The following TBC1D5 variants were observed in gnomAD, a reference collection of about 807,000 sequenced individuals.
TBC1D5 encodes the protein TBC1 domain family, member 5.
A neutral mutation model predicts 100.3 loss-of-function variants in TBC1D5; 75 were observed. The ratio of observed to expected loss-of-function variants is 0.75; its 90% CI spans 0.62 to 0.91. The LOEUF is 0.91. Ranked by LOEUF, TBC1D5 falls within the 40% of genes least tolerant of loss-of-function variation. The pLI, the probability that TBC1D5 is intolerant of heterozygous loss-of-function variation, is 0.00. For missense variants in TBC1D5, 910 were observed against 942.4 expected (o/e 0.97, Z 0.45); for synonymous variants, 323 against 325.6 (o/e 0.99, Z 0.09).
At chr3:17,270,310 T>C (rs1263052906) in intron 15 of TBC1D5, among the ~76,000 whole-genome samples, 5 of 152,184 alleles carry the variant, frequency 3.3e-5, no homozygotes, top group African/African-American at 1.2e-4. Flanking sequence ...AACTGTCTGT[T>C]CATGTCCTCT....
chr3:17,660,495 C>G (rs889871056), intron 1 of TBC1D5, among the ~76,000 whole-genome samples: 3 of 152,218 alleles, frequency 2.0e-5, no homozygotes, highest in Non-Finnish European at 4.4e-5. Context: ...GTGATTGTTA[C>G]TGGTCCAGAG....
chr3:17,419,385 T>G (rs1194101193), intron 4 of TBC1D5, among the ~76,000 whole-genome samples: 2 of 152,222 alleles, frequency 1.3e-5, no homozygotes, highest in Non-Finnish European at 2.9e-5. Flanking sequence ...TCTTTGGATA[T>G]GCCTATGGTT....
chr3:17,674,862 G>C (rs758477672), intron 1 of TBC1D5, among the ~76,000 whole-genome samples: 10 of 151,934 alleles, frequency 6.6e-5, no homozygotes, highest in Admixed American at 5.2e-4. Context: ...GAGTTCATTT[G>C]AGTGAAAAAA....
intron 16 of TBC1D5, among the ~76,000 whole-genome samples, chr3:17,248,397 A>G (rs568397190): frequency 6.6e-6 from 1 of 152,302 alleles, no homozygotes; most frequent in South Asian, 2.1e-4. Flanking sequence ...ACATCCTCCC[A>G]TGAATCATGA....
At chr3:17,176,132 C>T (rs1162414189) in intron 19 of TBC1D5, among the ~76,000 whole-genome samples, 2 of 152,168 alleles carry the variant, frequency 1.3e-5, no homozygotes, top group Non-Finnish European at 2.9e-5. Context: ...TCTGCTATTA[C>T]CTAGCTGTGT....
chr3:17,398,243 G>T (rs1319249182), intron 8 of TBC1D5, among the ~76,000 whole-genome samples: 3 of 152,158 alleles, frequency 2.0e-5, no homozygotes, highest in Admixed American at 2.0e-4. Flanking sequence ...TAATAAAAAT[G>T]GGAATAGTAA....
At chr3:17,596,380 G>A (rs538702060) in intron 2 of TBC1D5, among the ~76,000 whole-genome samples, 4 of 145,288 alleles carry the variant, frequency 2.8e-5, no homozygotes, top group Middle Eastern at 3.7e-3. Context: ...GTGCAGTCGC[G>A]CAATTTGGGC....
At chr3:17,697,606 G>C (rs1263296750) in intron 1 of TBC1D5, among the ~76,000 whole-genome samples, 1 of 152,108 alleles carries the variant, frequency 6.6e-6, no homozygotes, top group Non-Finnish European at 1.5e-5. Flanking sequence ...AAATAAAAGA[G>C]GATACAAACA....
chr3:17,480,804 G>A (rs2095492722), intron 3 of TBC1D5, among the ~76,000 whole-genome samples: 1 of 152,316 alleles, frequency 6.6e-6, no homozygotes, highest in East Asian at 1.9e-4. Context: ...TACCCACTCA[G>A]GTCTCCCGAG....
intron 13 of TBC1D5, among the ~76,000 whole-genome samples, chr3:17,337,097 T>C (rs922704318): frequency 1.1e-4 from 16 of 150,472 alleles, no homozygotes; most frequent in Admixed American, 3.3e-4. Context: ...TTCTCAAACA[T>C]AGCTTGCACC....
At chr3:17,212,992 A>G (rs1056501582) in intron 18 of TBC1D5, among the ~76,000 whole-genome samples, 2 of 152,178 alleles carry the variant, frequency 1.3e-5, no homozygotes, top group Admixed American at 6.5e-5. Flanking sequence ...CAATAATCCT[A>G]GACCTTCACA....
intron 2 of TBC1D5, among the ~76,000 whole-genome samples, chr3:17,532,139 GA>G (rs1211805647): frequency 6.6e-6 from 1 of 151,882 alleles, no homozygotes; most frequent in East Asian, 1.9e-4. Flanking sequence ...AAATTTACAA[GA>G]AAAAAACAAA....
At chr3:17,188,355 T>G (rs1293224138) in intron 18 of TBC1D5, among the ~76,000 whole-genome samples, 1 of 152,174 alleles carries the variant, frequency 6.6e-6, no homozygotes, top group Non-Finnish European at 1.5e-5. Context: ...AAAACCCAAG[T>G]AGATCTTGAT....
chr3:17,257,511 A>G (rs1559501568), intron 16 of TBC1D5, among the ~76,000 whole-genome samples: 1 of 152,234 alleles, frequency 6.6e-6, no homozygotes, highest in Non-Finnish European at 1.5e-5. Flanking sequence ...CTCATGAGCT[A>G]CAGAACTGGT....
chr3:17,717,300 G>A (rs1281972648), intron 1 of TBC1D5, among the ~76,000 whole-genome samples: 1 of 126,596 alleles, frequency 7.9e-6, no homozygotes, highest in African/African-American at 2.8e-5. Flanking sequence ...TGATAGTCTA[G>A]CTAATACTTT....
At chr3:17,445,843 G>A (rs558926667) in intron 3 of TBC1D5, among the ~76,000 whole-genome samples, 29 of 152,142 alleles carry the variant, frequency 1.9e-4, no homozygotes, top group African/African-American at 6.3e-4. Flanking sequence ...GACCATATTC[G>A]CCACAGATAA....
intron 1 of TBC1D5, among the ~76,000 whole-genome samples, chr3:17,718,458 A>T (rs1277357191): frequency 6.6e-6 from 1 of 152,116 alleles, no homozygotes; most frequent in Admixed American, 6.5e-5. Context: ...ATTAGCAGGC[A>T]TGGTGGCGGG....
intron 1 of TBC1D5, among the ~76,000 whole-genome samples, chr3:17,632,184 T>C (rs552586222): frequency 4.6e-5 from 7 of 152,214 alleles, no homozygotes; most frequent in Non-Finnish European, 1.0e-4. Flanking sequence ...CACGGATGAC[T>C]TGAAGGAGTT....
At chr3:17,222,107 G>A (rs2074352801) in intron 17 of TBC1D5, among the ~76,000 whole-genome samples, 1 of 152,038 alleles carries the variant, frequency 6.6e-6, no homozygotes. Context: ...TTTATTATGT[G>A]CTGTTCATCT....
Sources: allele counts gnomAD v4.1 joint callset (sites outside exome capture counted in the v4.1 genomes callset), GRCh38; gene constraint gnomAD v4.1.1; transcripts MANE v1.5; gene names NCBI Gene and HGNC (gene_info 2026-07-23, HGNC 2026-07-21).